RARB: variants seen among roughly 807,000 people sequenced by gnomAD.
RARB encodes the protein HBV-activated protein.
Under a neutral mutation model 51.9 loss-of-function variants are expected in RARB, and 17 were observed. The observed-to-expected ratio is 0.33, with a 90% CI of 0.22 to 0.49. RARB has a LOEUF of 0.49. Among genes scored for constraint, RARB ranks in the 20% least tolerant of loss-of-function variants. RARB has a pLI of 0.99. For synonymous variants in RARB, 215 were observed against 195.4 expected, an observed-to-expected ratio of 1.10 and a Z score of -0.84; for missense variants, 369 against 550.8, an observed-to-expected ratio of 0.67 and a Z score of 3.30.
At chr3:25,405,104 G>C (rs867298798) in intron 5 of RARB, among the ~76,000 whole-genome samples, 1 of 152,170 alleles carries the variant, frequency 6.6e-6, no homozygotes, top group Non-Finnish European at 1.5e-5. Flanking sequence ...ATCCCTGAGA[G>C]GCCAAAGCTA....
chr3:24,837,308 T>G (rs1365206451), intron 1 of RARB, among the ~76,000 whole-genome samples: 1 of 152,236 alleles, frequency 6.6e-6, no homozygotes, highest in Non-Finnish European at 1.5e-5. Context: ...TATAGTCTTG[T>G]CTTCTTTAAG....
At chr3:25,056,335 A>G (rs1259810812) in intron 2 of RARB, among the ~76,000 whole-genome samples, 2 of 152,164 alleles carry the variant, frequency 1.3e-5, no homozygotes, top group Non-Finnish European at 2.9e-5. Flanking sequence ...AGAGATTCCC[A>G]TCTAAAAGCA....
At chr3:25,036,952 TC>T (rs1361432767) in intron 2 of RARB, among the ~76,000 whole-genome samples, 1 of 152,174 alleles carries the variant, frequency 6.6e-6, no homozygotes, top group Non-Finnish European at 1.5e-5. Context: ...TCAGGTGTGC[TC>T]AGTGAGGATA....
intron 2 of RARB, among the ~76,000 whole-genome samples, chr3:25,027,046 A>G (rs1327613446): frequency 6.8e-6 from 1 of 147,962 alleles, no homozygotes; most frequent in Non-Finnish European, 1.5e-5. Flanking sequence ...AAATTTAACA[A>G]TGGGCTCTCA....
At chr3:25,575,045 T>TC (rs1700869029) in intron 4 of RARB, among the ~76,000 whole-genome samples, 1 of 152,146 alleles carries the variant, frequency 6.6e-6, no homozygotes, top group Non-Finnish European at 1.5e-5. Flanking sequence ...CCAGCAGCGG[T>TC]CCCCAACCTT....
chr3:25,527,860 C>T (rs1162518416), intron 3 of RARB, among the ~76,000 whole-genome samples: 1 of 152,010 alleles, frequency 6.6e-6, no homozygotes, highest in East Asian at 1.9e-4. Flanking sequence ...CAAAGAAAAG[C>T]CCTCCCCTTC....
rs559152868 is a variant in RARB at position 25,565,288 on chromosome 3, G to C, written c.449-4470G>C. ...TCTCATCTGCAAAATGGGTATAATA[G>C]TGATATCTACTCTATTAGGTTGTTG... On this transcript the variant is annotated intron_variant, in intron 3 of 7. Transcript: ENST00000330688. Among the ~76,000 whole-genome samples, 31 of 152,278 alleles carry C rather than the reference G, an allele frequency of 2.0e-4. 1 individual carries two copies. The highest frequency in any genetic ancestry group is 5.8e-4 in the East Asian group (3 of 5,180).
At chr3:24,888,898 A>G (rs1020831823) in intron 2 of RARB, among the ~76,000 whole-genome samples, 6 of 152,220 alleles carry the variant, frequency 3.9e-5, no homozygotes, top group Non-Finnish European at 5.9e-5. Flanking sequence ...CTGCATTTTT[A>G]GCAAGTTCAC....
intron 2 of RARB, among the ~76,000 whole-genome samples, chr3:24,935,290 T>C (rs1695526373): frequency 6.6e-6 from 1 of 152,090 alleles, no homozygotes; most frequent in African/African-American, 2.4e-5. Context: ...GCTCAAGTAG[T>C]TAAAAAAAGA....
intron 3 of RARB, among the ~76,000 whole-genome samples, chr3:25,095,334 TA>T (rs1699275003): frequency 6.6e-6 from 1 of 152,182 alleles, no homozygotes; most frequent in Non-Finnish European, 1.5e-5. Flanking sequence ...GTTTTCAAAG[TA>T]TGATCCCTGG....
At chr3:24,892,756 T>C (rs1703410341) in intron 2 of RARB, among the ~76,000 whole-genome samples, 1 of 152,236 alleles carries the variant, frequency 6.6e-6, no homozygotes, top group Non-Finnish European at 1.5e-5. Context: ...AGCATGTATG[T>C]ATGTGTAACA....
chr3:24,840,268 A>G (rs1400540506), intron 1 of RARB, among the ~76,000 whole-genome samples: 1 of 152,228 alleles, frequency 6.6e-6, no homozygotes, highest in Non-Finnish European at 1.5e-5. Context: ...TAAAAATAAC[A>G]GACTTGTAAC....
chr3:25,436,929 C>G (rs1018173300), intron 1 of RARB, among the ~76,000 whole-genome samples: 6 of 152,118 alleles, frequency 3.9e-5, no homozygotes, highest in Non-Finnish European at 7.4e-5. Context: ...TGCCTTGACA[C>G]AGGATCGGTT....
chr3:24,882,547 T>C (rs1027996421), intron 2 of RARB, among the ~76,000 whole-genome samples: 1 of 152,236 alleles, frequency 6.6e-6, no homozygotes, highest in Non-Finnish European at 1.5e-5. Flanking sequence ...AGGGTGACTG[T>C]AGTTAATTTT....
At chr3:25,424,034 T>G (rs1707925366), upstream of RARB, among the ~76,000 whole-genome samples, 2 of 152,226 alleles carry the variant, frequency 1.3e-5, no homozygotes, top group South Asian at 4.1e-4. Context: ...AGTATGCCCT[T>G]GTCTTGGGAG....
chr3:24,997,033 C>T (rs1447878027), intron 2 of RARB, among the ~76,000 whole-genome samples: 5 of 151,948 alleles, frequency 3.3e-5, no homozygotes, highest in African/African-American at 1.2e-4. Flanking sequence ...CTACACGATC[C>T]GTCGAATATT....
At position 24,975,609 on chromosome 3, in the gene RARB, G is replaced by GT. The variant is rs577211377; in HGVS notation, c.-379-84514dup. Among the ~76,000 whole-genome samples the GT allele has an allele frequency of 6.6e-3, 999 of 152,204 alleles. 9 individuals carry two copies. The highest frequency in any genetic ancestry group is 0.023 in the African/African-American group (951 of 41,538). ...ATGAGGGAAAGGAAAGACTTAACTA[G>GT]TTGGTTCTATCCAGCAGTTTTATCT... is the stretch of plus-strand genomic sequence containing the variant. On this transcript the variant is annotated intron_variant, in intron 2 of 11. Coordinates refer to the RARB transcript ENST00000383772.
At chr3:25,201,491 G>T (rs1701388406) in intron 5 of RARB, among the ~76,000 whole-genome samples, 1 of 152,112 alleles carries the variant, frequency 6.6e-6, no homozygotes, top group Admixed American at 6.5e-5. Flanking sequence ...GTGAAAGAGG[G>T]CATCCCTGTC....
chr3:25,412,687 G>C lies in RARB; in HGVS notation c.179-48506G>C, dbSNP rs113356604. On this transcript the variant is annotated intron_variant, in intron 5 of 11. Coordinates refer to the RARB transcript ENST00000383772. ...TGTATACAGCTTAGTTTTTACAACT[G>C]AACACAAACATTTAACCAGCACTCA... Among the ~76,000 whole-genome samples, 878 of 152,254 alleles carry C rather than the reference G, an allele frequency of 5.8e-3. 4 individuals are homozygous for C. Among genetic ancestry groups the C allele is most frequent in the Admixed American group, 8.1e-3 (124 of 15,292 alleles).
Sources: allele counts gnomAD v4.1 joint callset (sites outside exome capture counted in the v4.1 genomes callset), GRCh38; gene constraint gnomAD v4.1.1; transcripts MANE v1.5; gene names NCBI Gene and HGNC (gene_info 2026-07-23, HGNC 2026-07-21).